Variants in KTN1 observed in about 807,000 individuals in gnomAD.
The protein encoded by KTN1 is kinectin 1.
KTN1 carries 130 observed loss-of-function variants against 222.5 expected under a neutral mutation model. That is an observed-to-expected ratio of 0.58 (90% CI 0.51 to 0.68). The LOEUF is 0.68. Ranked by LOEUF, KTN1 falls within the 30% of genes least tolerant of loss-of-function variation. The pLI, the probability that KTN1 is intolerant of heterozygous loss-of-function variation, is 0.00. For missense variants in KTN1, 1,508 were observed against 1,500.4 expected (o/e 1.01, Z -0.08); for synonymous variants, 512 against 496.3 (o/e 1.03, Z -0.42).
chr14:55,640,324 T>C (rs1024582458), intron 14 of KTN1, 50 bp from the exon 15 acceptor site: 1 of 1,265,586 alleles, frequency 7.9e-7, no homozygotes, highest in Admixed American at 2.1e-5. Flanking sequence ...TTTACAAACT[T>C]TAAAATCAGT....
intron 1 of KTN1, among the ~76,000 whole-genome samples, chr14:55,607,647 T>A (rs928804387): frequency 5.3e-5 from 8 of 152,232 alleles, no homozygotes; most frequent in Non-Finnish European, 1.5e-5. Flanking sequence ...GAAATCCTAT[T>A]TGCCACCACT....
At chr14:55,662,626 T>C (rs1433373578) in intron 32 of KTN1, among the ~76,000 whole-genome samples, 1 of 152,216 alleles carries the variant, frequency 6.6e-6, no homozygotes, top group Non-Finnish European at 1.5e-5. Flanking sequence ...GTGTGATTGC[T>C]AAGACTTGAG....
At chr14:55,591,628 G>A (rs539009701) in intron 1 of KTN1, among the ~76,000 whole-genome samples, 2 of 121,528 alleles carry the variant, frequency 1.6e-5, no homozygotes, top group East Asian at 2.5e-4. Context: ...TGCTCTTGTC[G>A]CCCAGGCTGG....
chr14:55,586,463 T>C (rs528002817), intron 1 of KTN1, among the ~76,000 whole-genome samples: 1 of 152,130 alleles, frequency 6.6e-6, no homozygotes, highest in Non-Finnish European at 1.5e-5. Context: ...CCTTATGAGG[T>C]AGGTACTATT....
At chr14:55,633,951 C>T (rs2040824130) in intron 8 of KTN1, among the ~76,000 whole-genome samples, 1 of 151,996 alleles carries the variant, frequency 6.6e-6, no homozygotes, top group Non-Finnish European at 1.5e-5. Flanking sequence ...CCAGCCTGGC[C>T]AACGTGGTGA....
At chr14:55,607,797 T>C (rs969818947) in intron 1 of KTN1, among the ~76,000 whole-genome samples, 39 of 152,234 alleles carry the variant, frequency 2.6e-4, no homozygotes, top group African/African-American at 9.4e-4. Context: ...GAGGCTGAAG[T>C]GGGAAGACCT....
chr14:55,593,703 T>G (rs189719929), intron 1 of KTN1, among the ~76,000 whole-genome samples: 1 of 152,202 alleles, frequency 6.6e-6, no homozygotes, highest in African/African-American at 2.4e-5. Flanking sequence ...ATTAAGGAAT[T>G]ACTAATTTTT....
intron 1 of KTN1, among the ~76,000 whole-genome samples, chr14:55,603,396 C>T (rs1378720836): frequency 2.0e-5 from 3 of 152,214 alleles, no homozygotes; most frequent in East Asian, 1.9e-4. Flanking sequence ...TCACCAGTAA[C>T]GTCTGTGTTG....
In KTN1 at chr14:55,670,836, A is replaced by G. The variant is rs202066923; in HGVS notation, c.3348+27A>G. The G allele has an allele frequency of 2.5e-5, 36 of 1,436,644 alleles. No individual in the cohort carries two copies. The East Asian group carries it at 8.3e-4, about 33-fold the overall frequency. 89.0% of individuals were successfully genotyped at this position (1,436,644 alleles called of 1,614,324 possible). ...TTAGTTCAGCAAATGAACTGTTTGTAATTTAAACATAGAAAAAAGAAGCAA... is the reference window on the plus strand; with the variant it reads ...TTAGTTCAGCAAATGAACTGTTTGTGATTTAAACATAGAAAAAAGAAGCAA... On this transcript the variant is annotated intron_variant, in intron 35 of 43. Transcript: ENST00000395314.
chr14:55,646,334 G>T (rs1343000660), intron 18 of KTN1, among the ~76,000 whole-genome samples: 1 of 151,798 alleles, frequency 6.6e-6, no homozygotes, highest in Non-Finnish European at 1.5e-5. Flanking sequence ...ACTTGTCTAC[G>T]TAAATGTTAC....
At chr14:55,652,198 T>C (rs1376188338) in intron 25 of KTN1, among the ~76,000 whole-genome samples, 1 of 152,178 alleles carries the variant, frequency 6.6e-6, no homozygotes, top group Non-Finnish European at 1.5e-5. Context: ...TTAATAGCCA[T>C]GTGAAATTGG....
chr14:55,648,323 T>G (rs2042600985), intron 20 of KTN1, among the ~76,000 whole-genome samples: 1 of 152,216 alleles, frequency 6.6e-6, no homozygotes, highest in African/African-American at 2.4e-5. Context: ...GATACTATTG[T>G]TATAGTTTGT....
intron 30 of KTN1, 139 bp downstream of exon 30, chr14:55,658,753 AAAAG>A (rs2043781264): frequency 1.7e-6 from 1 of 595,232 alleles, no homozygotes; most frequent in Non-Finnish European, 3.0e-6. Flanking sequence ...AATTTTATAT[AAAAG>A]AAAGCAACTT....
At chr14:55,632,790 C>G (rs1413523807) in intron 7 of KTN1, among the ~76,000 whole-genome samples, 1 of 152,080 alleles carries the variant, frequency 6.6e-6, no homozygotes, top group East Asian at 1.9e-4. Context: ...GATTATGGCC[C>G]AATTTGTAAC....
intron 7 of KTN1, among the ~76,000 whole-genome samples, chr14:55,630,896 A>G (rs1394421387): frequency 1.3e-5 from 2 of 152,132 alleles, no homozygotes; most frequent in African/African-American, 2.4e-5. Context: ...TGAGTATACA[A>G]AGAGTTAGTT....
intron 33 of KTN1, 39 bp from the exon 34 acceptor site, chr14:55,667,202 T>G (rs1478725152): frequency 2.8e-5 from 32 of 1,160,056 alleles, no homozygotes; most frequent in Non-Finnish European, 3.5e-5. Context: ...AAACATTCTG[T>G]GATCTTGTAA....
At position 55,596,109 on chromosome 14, in the gene KTN1, C is replaced by G. The variant is rs544917984; in HGVS notation, c.-31+15755C>G. Among the ~76,000 whole-genome samples the G allele has an allele frequency of 4.7e-4, 66 of 140,560 alleles. No homozygotes were observed. The South Asian group carries it at 0.012, about 25-fold the overall frequency. 92.2% of individuals were successfully genotyped at this position (140,560 alleles called of 152,430 possible). A position where few individuals can be genotyped will look rare whatever the true frequency, so the allele number is the denominator to read the frequency against. On this transcript the variant is annotated intron_variant, in intron 1 of 43. Transcript: ENST00000395314. The stretch of plus-strand genomic sequence containing the variant: ...GGCGGAGCTTACAGTGAGCTGAGAT[C>G]GTGCCACTGCACTCCAGCATGGGCG...
In KTN1 at chr14:55,652,974, T is replaced by C. The variant is rs2043094881; in HGVS notation, c.2694+34T>C. Reference sequence around the variant, plus strand: ...TTAAAAACAATAAAAAATAGCCTTTTTATACTTGACTATCAATTTAATTTA... The same window carrying C: ...TTAAAAACAATAAAAAATAGCCTTTCTATACTTGACTATCAATTTAATTTA... On this transcript the variant is annotated intron_variant, in intron 26 of 43. Transcript: ENST00000395314. 2.5e-6 allele frequency: 4 copies of C among 1,588,012 alleles called. No individual in the cohort carries two copies. In the South Asian group the frequency reaches 4.5e-5, roughly 18 times the overall value.
rs1449696923 is a variant in KTN1 at position 55,653,082 on chromosome 14, A to G, written c.2760A>G (p.Lys920=). 6.3e-7 allele frequency: 1 copy of G among 1,575,216 alleles called. No individual in the cohort carries two copies. The highest frequency in any genetic ancestry group is 2.2e-5 in the East Asian group (1 of 44,566). The change falls in exon 27 of 44, where the codon AAA becomes AAG. Residue 920 remains lysine, a synonymous_variant. Transcript: ENST00000395314. ...AGGAAGTAGCACAACATAACTTGAA[A>G]GAGGTATAGTATAAACAAATTACCA... ...HVQEVAQHNL[K]EASSASQFEE...
Sources: allele counts gnomAD v4.1 joint callset (sites outside exome capture counted in the v4.1 genomes callset), GRCh38; gene constraint gnomAD v4.1.1; transcripts MANE v1.5; gene names NCBI Gene and HGNC (gene_info 2026-07-23, HGNC 2026-07-21).